Variants in MPDZ observed in about 807,000 individuals in gnomAD.
MPDZ encodes the protein multiple PDZ domain crumbs cell polarity complex component.
A neutral mutation model predicts 239.1 loss-of-function variants in MPDZ; 234 were observed. That is an observed-to-expected ratio of 0.98 (90% CI 0.88 to 1.09). The LOEUF is 1.09. Among genes scored for constraint, MPDZ ranks in the 50% least tolerant of loss-of-function variants. The probability of loss-of-function intolerance (pLI) is 0.00; values close to 1 mark genes in which losing one functional copy is unlikely to be tolerated. For synonymous variants in MPDZ, 1,048 were observed against 881.3 expected, an observed-to-expected ratio of 1.19 and a Z score of -3.35; for missense variants, 3,175 against 2,510.0, an observed-to-expected ratio of 1.26 and a Z score of -5.66.
chr9:13,152,787 C>T (rs1949354818), intron 24 of MPDZ, among the ~76,000 whole-genome samples: 1 of 152,140 alleles, frequency 6.6e-6, no homozygotes. Context: ...AACACATTTC[C>T]TATACCCACA....
intron 10 of MPDZ, among the ~76,000 whole-genome samples, chr9:13,210,797 C>T (rs545055977): frequency 1.3e-5 from 2 of 152,168 alleles, no homozygotes; most frequent in South Asian, 4.1e-4. Context: ...CGTTAAAAAT[C>T]CATCATCTGT....
chr9:13,138,056 G>C lies in MPDZ; in HGVS notation c.4101C>G (p.Asn1367Lys). The C allele has an allele frequency of 6.2e-7, 1 of 1,613,772 alleles. No homozygotes were observed. The highest frequency in any genetic ancestry group is 8.5e-7 in the Non-Finnish European group (1 of 1,179,754). Residue 1367 changes from asparagine (N) to lysine (K), a missense_variant, in exon 29 of 47, where the codon AAC (asparagine) becomes AAG (lysine). Coordinates refer to ENST00000319217, the MANE Select transcript of MPDZ (RefSeq NM_001378778.1). ...HSGLGLSLAGNKDRSRMSVFI... is the reference protein window; with the variant it reads ...HSGLGLSLAGKKDRSRMSVFI... ...AGACACTCATCCTGGATCGGTCTTT[G>C]TTCCCAGCAAGACTTAGGCCCAAAC...
At chr9:13,217,679 CA>C (rs1422864673) in intron 8 of MPDZ, among the ~76,000 whole-genome samples, 1 of 151,796 alleles carries the variant, frequency 6.6e-6, no homozygotes, top group East Asian at 1.9e-4. Context: ...TTCAGATCAA[CA>C]AGTTAAATCT....
intron 22 of MPDZ, among the ~76,000 whole-genome samples, chr9:13,163,905 C>G (rs915120986): frequency 6.6e-6 from 1 of 152,160 alleles, no homozygotes; most frequent in Non-Finnish European, 1.5e-5. Context: ...AGCATTCACT[C>G]TTTCACTTCA....
chr9:13,232,474 G>A (rs981328860), intron 3 of MPDZ, among the ~76,000 whole-genome samples: 3 of 151,802 alleles, frequency 2.0e-5, no homozygotes, highest in African/African-American at 2.4e-5. Flanking sequence ...ATATTCAAAT[G>A]GAAAATTATT....
chr9:13,186,210 A>C, intron 18 of MPDZ, 60 bp downstream of exon 18: 2 of 886,162 alleles, frequency 2.3e-6, no homozygotes, highest in Non-Finnish European at 3.2e-6. Flanking sequence ...AATATTTTGA[A>C]AGGCAAAGTA....
chr9:13,152,244 A>C (rs946973494), intron 24 of MPDZ, among the ~76,000 whole-genome samples: 1 of 152,066 alleles, frequency 6.6e-6, no homozygotes, highest in African/African-American at 2.4e-5. Context: ...GTGACTGCCA[A>C]AATCCTACAG....
chr9:13,140,050 G>C lies in MPDZ; in HGVS notation c.3940C>G (p.Gln1314Glu). ...AFAEMGSDHT[Q>E]SSASKISQDV... The stretch of plus-strand genomic sequence containing the variant: ...TGTGAGATTTTGCTTGCAGATGACT[G>C]TGTGTGATCACTACCCATTTCGGCA... The change falls in exon 28 of 47, where the codon CAG becomes GAG. Residue 1314 changes from glutamine (Q) to glutamate (E), a missense_variant. By Grantham distance (29) the Gln-to-Glu change is conservative (BLOSUM62 2). Coordinates refer to ENST00000319217, the MANE Select transcript of MPDZ (RefSeq NM_001378778.1). 5 of 1,613,286 alleles carry C rather than the reference G, an allele frequency of 3.1e-6. No individual in the cohort carries two copies. In the Middle Eastern group the frequency reaches 5.0e-4, roughly 160 times the overall value.
At chr9:13,195,784 ACT>A (rs1293477010) in intron 13 of MPDZ, among the ~76,000 whole-genome samples, 2 of 152,114 alleles carry the variant, frequency 1.3e-5, no homozygotes, top group African/African-American at 4.8e-5. Context: ...TTTTAAATAA[ACT>A]CATTCTATTT....
intron 1 of MPDZ, among the ~76,000 whole-genome samples, chr9:13,277,406 C>T (rs1241934337): frequency 1.3e-5 from 2 of 152,140 alleles, no homozygotes; most frequent in East Asian, 1.9e-4. Context: ...TTTGTTTTGG[C>T]AAATGAGATA....
rs1326309578 is a variant in MPDZ at position 13,122,145 on chromosome 9, T to C, written c.4979A>G (p.Tyr1660Cys). Reference protein sequence around the residue: ...LLGAIIIHEVYEEGAACKDGR... With the variant: ...LLGAIIIHEVCEEGAACKDGR... ...ATCTTTACATGCTGCTCCTTCTTCA[T>C]AAACTTCATGGATAATAATGGCACC... Residue 1660 changes from tyrosine (Y) to cysteine (C), a missense_variant, in exon 37 of 47, where the codon TAT (tyrosine) becomes TGT (cysteine). Coordinates refer to ENST00000319217, the MANE Select transcript of MPDZ (RefSeq NM_001378778.1). 1 of 1,614,040 alleles carries C rather than the reference T, an allele frequency of 6.2e-7. No individual in the cohort carries two copies. The highest frequency in any genetic ancestry group is 8.5e-7 in the Non-Finnish European group (1 of 1,179,938).
At position 13,176,182 on chromosome 9, in the gene MPDZ, A is replaced by T; in HGVS notation, c.2885T>A (p.Ile962Lys). Residue 962 changes from isoleucine (I) to lysine (K), a missense_variant, in exon 20 of 47, where the codon ATA (isoleucine) becomes AAA (lysine). Physicochemically the swap from Ile to Lys is moderately radical, Grantham distance 102 (BLOSUM62 -3). Transcript: ENST00000319217. ...CACAGAAGGAAGTTCTGCACTTGAT[A>T]TAACTTCACTTGGTAAATGAGATTC... ...WTESHLPSEVISSAELPSVLP... is the reference protein window; with the variant it reads ...WTESHLPSEVKSSAELPSVLP... 1 of 1,603,878 alleles carries T rather than the reference A, an allele frequency of 6.2e-7. No homozygotes were observed. Among genetic ancestry groups the T allele is most frequent in the Non-Finnish European group, 8.5e-7 (1 of 1,174,454 alleles).
At chr9:13,191,259 C>T (rs1238507521) in intron 15 of MPDZ, among the ~76,000 whole-genome samples, 1 of 152,094 alleles carries the variant, frequency 6.6e-6, no homozygotes, top group Non-Finnish European at 1.5e-5. Flanking sequence ...CATATGAATA[C>T]TAAACTATGC....
At chr9:13,111,914 G>T (rs1220701701) in intron 43 of MPDZ, 110 bp downstream of exon 43, 27 of 1,077,572 alleles carry the variant, frequency 2.5e-5, no homozygotes, top group Non-Finnish European at 3.4e-5. Context: ...TGATTTAAAA[G>T]TAAATATAGA....
intron 10 of MPDZ, among the ~76,000 whole-genome samples, chr9:13,211,405 G>C (rs3780577): frequency 0.39 from 59,826 of 151,820 alleles, 13,089 homozygotes; most frequent in African/African-American, 0.58. Flanking sequence ...CAACACAAGA[G>C]GTTCTCAGAG....
intron 21 of MPDZ, among the ~76,000 whole-genome samples, chr9:13,174,555 T>C (rs943441182): frequency 6.6e-6 from 1 of 152,154 alleles, no homozygotes; most frequent in Non-Finnish European, 1.5e-5. Context: ...AAGAAACCCG[T>C]CTTCTTAAAT....
At chr9:13,120,703 C>T (rs765103034) in intron 38 of MPDZ, 5 of 152,188 alleles carry the variant, frequency 3.3e-5, no homozygotes, top group South Asian at 2.1e-4. Context: ...ACAGAAAAGT[C>T]GCTGCAGAAC....
intron 2 of MPDZ, among the ~76,000 whole-genome samples, chr9:13,248,975 T>C (rs1327194545): frequency 1.0e-4 from 1 of 9,828 alleles, no homozygotes; most frequent in Non-Finnish European, 2.2e-4. Flanking sequence ...AGACTCCATC[T>C]CAAAAAAAAA....
chr9:13,196,061 C>T (rs1955606333), intron 13 of MPDZ, 60 bp downstream of exon 13: 8 of 1,156,028 alleles, frequency 6.9e-6, no homozygotes, highest in South Asian at 2.9e-5. Context: ...ATTATTCCCT[C>T]GAACTGCCTG....
Sources: allele counts gnomAD v4.1 joint callset (sites outside exome capture counted in the v4.1 genomes callset), GRCh38; gene constraint gnomAD v4.1.1; transcripts MANE v1.5; gene names NCBI Gene and HGNC (gene_info 2026-07-23, HGNC 2026-07-21).